MCTP2: variants seen among roughly 807,000 people sequenced by gnomAD.
MCTP2 encodes multiple C2 and transmembrane domain-containing protein 2.
In MCTP2, 132 loss-of-function variants were observed where a neutral mutation model predicts 111.6. The observed-to-expected ratio is 1.18, with a 90% confidence interval of 1.03 to 1.37. MCTP2 has a LOEUF of 1.37. MCTP2 is among the 40% of genes most tolerant of loss of function. The pLI is 0.00. For missense variants in MCTP2, 1,183 were observed against 1,067.9 expected, an observed-to-expected ratio of 1.11 and a Z score of -1.50; for synonymous variants, 395 against 387.7, an observed-to-expected ratio of 1.02 and a Z score of -0.22.
At chr15:94,396,483 T>C (rs1485850847) in intron 14 of MCTP2, among the ~76,000 whole-genome samples, 1 of 152,138 alleles carries the variant, frequency 6.6e-6, no homozygotes, top group Non-Finnish European at 1.5e-5. Context: ...TCATCTATTA[T>C]ATAAATGCTC....
rs1315739756 is a variant in MCTP2 at position 94,483,681 on chromosome 15, A to T, written c.*4647A>T. On this transcript the variant is annotated 3_prime_UTR_variant, in exon 23 of 23. Coordinates refer to ENST00000357742, the MANE Select transcript of MCTP2 (RefSeq NM_001385001.1). ...AGAACACATGGACATGTAGAAGGGA[A>T]CAAAATACACTGGGGGCTATTGGAG... 6.6e-6 allele frequency: 1 copy of T among 152,188 alleles called. No homozygotes were observed. Among genetic ancestry groups the T allele is most frequent in the East Asian group, 1.9e-4 (1 of 5,182 alleles). The allele number at this position is 152,188 out of a possible 1,614,324, so 9.4% of individuals were successfully genotyped here. A position where few individuals can be genotyped will look rare whatever the true frequency, so the allele number is the denominator to read the frequency against.
chr15:94,258,358 T>A (rs2152278170), intron 1 of MCTP2, among the ~76,000 whole-genome samples: 1 of 152,306 alleles, frequency 6.6e-6, no homozygotes, highest in African/African-American at 2.4e-5. Context: ...GACTCCTCTC[T>A]CAAAGGACAT....
chr15:94,446,172 G>C (rs2084106105), intron 19 of MCTP2, among the ~76,000 whole-genome samples: 1 of 152,216 alleles, frequency 6.6e-6, no homozygotes, highest in Non-Finnish European at 1.5e-5. Flanking sequence ...TTCTTTTGCA[G>C]ACTTTCAGGG....
chr15:94,361,672 T>C (rs1289910434), intron 10 of MCTP2, among the ~76,000 whole-genome samples: 1 of 152,206 alleles, frequency 6.6e-6, no homozygotes, highest in African/African-American at 2.4e-5. Flanking sequence ...AAATAAGATA[T>C]GACTAGTAAA....
At chr15:94,407,590 C>T (rs1254015850) in intron 17 of MCTP2, among the ~76,000 whole-genome samples, 1 of 152,096 alleles carries the variant, frequency 6.6e-6, no homozygotes, top group Non-Finnish European at 1.5e-5. Context: ...CAATCAACCT[C>T]TCCCTCAATA....
In MCTP2 at chr15:94,397,464, ATTTC is replaced by A. The variant is rs1453907121; in HGVS notation, c.1789-1492_1789-1489del. ...AAATTGTCAGGCTGTTTTTGTATTTATTTCTTTCAACTTTAACATCCACAATTTA... is the reference window on the plus strand; with the variant it reads ...AAATTGTCAGGCTGTTTTTGTATTTATTTCAACTTTAACATCCACAATTTA... On this transcript the variant is annotated intron_variant, in intron 14 of 22. Coordinates refer to ENST00000357742, the MANE Select transcript of MCTP2 (RefSeq NM_001385001.1). 9.2e-5 allele frequency among the ~76,000 whole-genome samples: 14 copies of A among 152,272 alleles called. No individual in the cohort carries two copies. The East Asian group carries it at 2.7e-3, about 29-fold the overall frequency.
chr15:94,406,894 C>G (rs1384856711), intron 17 of MCTP2, among the ~76,000 whole-genome samples: 1 of 139,710 alleles, frequency 7.2e-6, no homozygotes, highest in Non-Finnish European at 1.5e-5. Flanking sequence ...CCAAGTTGTT[C>G]AGAAAAGGGA....
At chr15:94,399,272 C>T (rs992158450) in intron 15 of MCTP2, among the ~76,000 whole-genome samples, 2 of 152,134 alleles carry the variant, frequency 1.3e-5, no homozygotes, top group Non-Finnish European at 2.9e-5. Flanking sequence ...AGTATGTATA[C>T]TGGTAAAACC....
At chr15:94,446,164 C>T (rs1232262557) in intron 19 of MCTP2, among the ~76,000 whole-genome samples, 1 of 152,192 alleles carries the variant, frequency 6.6e-6, no homozygotes, top group African/African-American at 2.4e-5. Flanking sequence ...TTTGCCTTTT[C>T]TTTTGCAGAC....
intron 21 of MCTP2, among the ~76,000 whole-genome samples, chr15:94,473,812 A>T (rs1261643759): frequency 6.6e-6 from 1 of 152,228 alleles, no homozygotes; most frequent in Non-Finnish European, 1.5e-5. Context: ...CAACCAGTGT[A>T]TTACAGTTGG....
At chr15:94,257,080 C>A (rs959932374) in intron 1 of MCTP2, among the ~76,000 whole-genome samples, 1 of 152,190 alleles carries the variant, frequency 6.6e-6, no homozygotes, top group Non-Finnish European at 1.5e-5. Context: ...TCAGGCAGAT[C>A]TGGCTCTGTT....
At chr15:94,288,335 A>G (rs142317418) in intron 1 of MCTP2, among the ~76,000 whole-genome samples, 2 of 152,350 alleles carry the variant, frequency 1.3e-5, no homozygotes, top group Non-Finnish European at 1.5e-5. Flanking sequence ...GGACTCATCC[A>G]TAGCCTGAAC....
At chr15:94,318,471 A>C (rs1004241737) in intron 4 of MCTP2, among the ~76,000 whole-genome samples, 1 of 151,868 alleles carries the variant, frequency 6.6e-6, no homozygotes, top group Non-Finnish European at 1.5e-5. Flanking sequence ...TTTAGTAGAG[A>C]CGGAGTTTCG....
At chr15:94,368,877 G>T (rs74030843) in intron 11 of MCTP2, among the ~76,000 whole-genome samples, 3,573 of 152,246 alleles carry the variant, frequency 0.023, 131 homozygotes, top group African/African-American at 0.082. Flanking sequence ...TAATACTTTA[G>T]GATTTGAGGA....
intron 19 of MCTP2, among the ~76,000 whole-genome samples, chr15:94,445,797 C>T (rs920326920): frequency 6.6e-6 from 1 of 152,226 alleles, no homozygotes; most frequent in Non-Finnish European, 1.5e-5. Flanking sequence ...AAATTATAAA[C>T]ACACAGCCAT....
rs1483532214 is a variant in MCTP2, at chr15:94,242,946, GATACACAT to G, written c.-66+11289_-66+11296del. Among the ~76,000 whole-genome samples, 3 of 86,208 alleles carry G rather than the reference GATACACAT, an allele frequency of 3.5e-5. No individual in the cohort carries two copies. The East Asian group carries it at 8.8e-4, about 25-fold the overall frequency. 56.6% of individuals were successfully genotyped at this position (86,208 alleles called of 152,430 possible). A position where few individuals can be genotyped will look rare whatever the true frequency, so the allele number is the denominator to read the frequency against. On this transcript the variant is annotated intron_variant, in intron 1 of 22. Transcript: ENST00000357742. ...GTACACATATACACGTGTATATGTA[GATACACAT>G]ATACACGTGTATATGTGTATCTACA...
chr15:94,410,104 A>T (rs1402782951), intron 17 of MCTP2, among the ~76,000 whole-genome samples: 1 of 152,190 alleles, frequency 6.6e-6, no homozygotes, highest in African/African-American at 2.4e-5. Flanking sequence ...TTTTAAAAAC[A>T]TGGAATGGGT....
chr15:94,375,291 C>A (rs2079705146), intron 12 of MCTP2, among the ~76,000 whole-genome samples: 1 of 152,184 alleles, frequency 6.6e-6, no homozygotes, highest in Admixed American at 6.5e-5. Context: ...TAATCACCTC[C>A]TGCTGGGCCC....
rs755287019 is a variant in MCTP2, at chr15:94,267,869, C to CTTT, written c.-65-30320_-65-30318dup. Among the ~76,000 whole-genome samples the CTTT allele has an allele frequency of 4.8e-4, 37 of 77,458 alleles. 6 individuals carry two copies. The highest frequency in any genetic ancestry group is 1.9e-3 in the African/African-American group (33 of 17,436). 50.8% of individuals were successfully genotyped at this position (77,458 alleles called of 152,430 possible). A position where few individuals can be genotyped will look rare whatever the true frequency, so the allele number is the denominator to read the frequency against. ...GGTCTGGATTACTTTCCTTTTCTTT[C>CTTT]TTTTTTTTTTTTTTGAGACAGAGTC... On this transcript the variant is annotated intron_variant, in intron 1 of 22. Transcript: ENST00000357742.
Sources: allele counts gnomAD v4.1 joint callset (sites outside exome capture counted in the v4.1 genomes callset), GRCh38; gene constraint gnomAD v4.1.1; transcripts MANE v1.5; gene names NCBI Gene and HGNC (gene_info 2026-07-23, HGNC 2026-07-21).